Variants in CACHD1 observed in about 807,000 individuals in gnomAD.
CACHD1 encodes VWFA and cache domain-containing protein 1.
In CACHD1, 71 loss-of-function variants were observed where a neutral mutation model predicts 138.7. That is an observed-to-expected ratio of 0.51 (90% CI 0.42 to 0.62). CACHD1 has a LOEUF of 0.62. CACHD1 is among the 20% of genes least tolerant of loss of function. CACHD1 has a pLI of 0.00. For missense variants in CACHD1, 1,389 were observed against 1,625.3 expected (o/e 0.85, Z 2.50); for synonymous variants, 578 against 591.5 (o/e 0.98, Z 0.33).
intron 16 of CACHD1, among the ~76,000 whole-genome samples, chr1:64,669,451 T>G (rs999637187): frequency 6.6e-6 from 1 of 152,234 alleles, no homozygotes; most frequent in Non-Finnish European, 1.5e-5. Flanking sequence ...ATTAGAGGCA[T>G]TTTCTAATTC....
chr1:64,549,795 A>AT (rs138406571), intron 1 of CACHD1, among the ~76,000 whole-genome samples: 22,712 of 136,260 alleles, frequency 0.17, 1,800 homozygotes, highest in Middle Eastern at 0.22. Flanking sequence ...TGCTCTTTTT[A>AT]TTTTTTTTAT....
intron 4 of CACHD1, among the ~76,000 whole-genome samples, chr1:64,619,491 T>C (rs1647831674): frequency 6.6e-6 from 1 of 152,192 alleles, no homozygotes; most frequent in Non-Finnish European, 1.5e-5. Context: ...AACTGTTTCC[T>C]TGCATTTTAT....
At chr1:64,543,866 CTTTTTTTTTT>C (rs370129207) in intron 1 of CACHD1, among the ~76,000 whole-genome samples, 111 of 77,516 alleles carry the variant, frequency 1.4e-3, no homozygotes, top group African/African-American at 4.7e-3. Flanking sequence ...CTTTTCAGTG[CTTTTTTTTTT>C]TTTTTTTTTT....
Position 64,524,923 on chromosome 1 carries a change from TGAG to T in CACHD1, c.199-25668_199-25666del, listed in dbSNP as rs552118422. 2.6e-3 allele frequency among the ~76,000 whole-genome samples: 400 copies of T among 152,248 alleles called. 2 individuals carry two copies. Among genetic ancestry groups the T allele is most frequent in the Middle Eastern group, 0.017 (5 of 294 alleles). ...TGAGAGACTCATTTCCATTTTCAGATGAGGAAACTGAGTAAGAGTGGCCAAGTC... is the reference window on the plus strand; with the variant it reads ...TGAGAGACTCATTTCCATTTTCAGATGAAACTGAGTAAGAGTGGCCAAGTC... On this transcript the variant is annotated intron_variant, in intron 1 of 26. Transcript: ENST00000651257.
At chr1:64,602,716 A>C (rs1409094646) in intron 3 of CACHD1, 90 bp from the exon 4 acceptor site, 3 of 811,964 alleles carry the variant, frequency 3.7e-6, no homozygotes, top group Non-Finnish European at 6.5e-6. Context: ...TTACGGGCTG[A>C]CCTATCTTGT....
chr1:64,540,660 G>T (rs1646670610), intron 1 of CACHD1, among the ~76,000 whole-genome samples: 1 of 152,042 alleles, frequency 6.6e-6, no homozygotes, highest in Non-Finnish European at 1.5e-5. Flanking sequence ...CCGCTCTCCT[G>T]GTTTTGAATG....
chr1:64,589,343 T>C (rs564111997), intron 3 of CACHD1, among the ~76,000 whole-genome samples: 1 of 152,286 alleles, frequency 6.6e-6, no homozygotes, highest in Non-Finnish European at 1.5e-5. Context: ...GAGGGTATTG[T>C]GCTGCAGACA....
intron 2 of CACHD1, among the ~76,000 whole-genome samples, chr1:64,569,315 A>G (rs1646908291): frequency 6.6e-6 from 1 of 152,264 alleles, no homozygotes. Context: ...CACCTATGCC[A>G]TCTATAGAAA....
intron 4 of CACHD1, among the ~76,000 whole-genome samples, chr1:64,606,642 G>A (rs1426883833): frequency 6.6e-6 from 1 of 152,168 alleles, no homozygotes; most frequent in Non-Finnish European, 1.5e-5. Context: ...AGACTAGACT[G>A]GACAAGGCAA....
intron 2 of CACHD1, among the ~76,000 whole-genome samples, chr1:64,572,220 C>T (rs530723774): frequency 4.6e-5 from 7 of 152,170 alleles, no homozygotes; most frequent in Non-Finnish European, 8.8e-5. Context: ...CTCCTCTTCC[C>T]AATTCTCAGC....
intron 1 of CACHD1, among the ~76,000 whole-genome samples, chr1:64,519,031 A>G (rs992702849): frequency 1.3e-5 from 2 of 152,010 alleles, no homozygotes; most frequent in Admixed American, 1.3e-4. Context: ...TCATTATGTT[A>G]ATTATTTGAG....
intron 1 of CACHD1, among the ~76,000 whole-genome samples, chr1:64,520,654 C>A (rs1349223471): frequency 6.6e-6 from 1 of 152,232 alleles, no homozygotes; most frequent in East Asian, 1.9e-4. Flanking sequence ...TAATGTCACG[C>A]TGTAGGAGTA....
intron 2 of CACHD1, among the ~76,000 whole-genome samples, chr1:64,561,858 C>CAAA (rs35407984): frequency 0.15 from 17,057 of 115,824 alleles, 1,265 homozygotes; most frequent in Middle Eastern, 0.17. Flanking sequence ...ACACTGTCTC[C>CAAA]AAAAAAAAAA....
intron 12 of CACHD1, among the ~76,000 whole-genome samples, chr1:64,655,679 G>C (rs925330354): frequency 1.3e-4 from 20 of 152,246 alleles, no homozygotes; most frequent in Admixed American, 1.2e-3. Flanking sequence ...TAGAGAAAGC[G>C]TATCTAACAC....
At chr1:64,592,008 T>C (rs980324467) in intron 3 of CACHD1, among the ~76,000 whole-genome samples, 4 of 152,248 alleles carry the variant, frequency 2.6e-5, no homozygotes, top group Non-Finnish European at 5.9e-5. Context: ...TTTTTAGTGT[T>C]TGAGTCTCAG....
intron 1 of CACHD1, among the ~76,000 whole-genome samples, chr1:64,483,862 CT>C (rs147267680): frequency 0.098 from 6,573 of 67,024 alleles, 396 homozygotes; most frequent in African/African-American, 0.16. Flanking sequence ...TATCTTTTAC[CT>C]TCCCCCCCCC....
chr1:64,668,352 A>G (rs1420685086), intron 16 of CACHD1, among the ~76,000 whole-genome samples: 1 of 149,810 alleles, frequency 6.7e-6, no homozygotes, highest in Non-Finnish European at 1.5e-5. Flanking sequence ...GAAAAAGAAA[A>G]AAAGAAAAAC....
At chr1:64,597,533 T>G (rs1158418276) in intron 3 of CACHD1, among the ~76,000 whole-genome samples, 59 of 147,726 alleles carry the variant, frequency 4.0e-4, no homozygotes, top group African/African-American at 1.3e-3. Context: ...TGTTTTTTTT[T>G]TTTTTTTTTT....
rs1648956018 is a variant in CACHD1, at chr1:64,647,743, G to A, written c.1157-58G>A. The A allele has an allele frequency of 8.8e-6, 13 of 1,469,570 alleles. No homozygotes were observed. The South Asian group carries it at 1.1e-4, about 12-fold the overall frequency. The allele number at this position is 1,469,570 out of a possible 1,614,324, so 91.0% of individuals were successfully genotyped here. On this transcript the variant is annotated intron_variant, in intron 8 of 26. Transcript: ENST00000651257. The stretch of plus-strand genomic sequence containing the variant: ...CCGTATTTGATCTAAATGGCAAGAG[G>A]TTGAATGGATATAAACCATTTTGCT...
Sources: allele counts gnomAD v4.1 joint callset (sites outside exome capture counted in the v4.1 genomes callset), GRCh38; gene constraint gnomAD v4.1.1; transcripts MANE v1.5; gene names NCBI Gene and HGNC (gene_info 2026-07-23, HGNC 2026-07-21).